Variants in HS6ST2 observed in about 807,000 individuals in gnomAD.
HS6ST2 encodes the protein heparan-sulfate 6-O-sulfotransferase 2.
A neutral mutation model predicts 33.0 loss-of-function variants in HS6ST2; 17 were observed. The observed-to-expected ratio is 0.52, with a 90% CI of 0.35 to 0.77. The LOEUF is 0.77. Ranked by LOEUF, HS6ST2 falls within the 30% of genes least tolerant of loss-of-function variation. The pLI is 0.01. For missense variants in HS6ST2, 519 were observed against 551.7 expected (o/e 0.94, Z 0.59); for synonymous variants, 248 against 237.1 (o/e 1.05, Z -0.42).
chrX:132,702,187 C>T (rs1440771521), intron 3 of HS6ST2, among the ~76,000 whole-genome samples: 3 of 112,444 alleles, frequency 2.7e-5, no homozygotes, highest in Admixed American at 9.4e-5. Context: ...GTACTACTTT[C>T]GAACTAAAGA....
rs771064495 is a variant in HS6ST2 at position 132,809,376 on chromosome X, T to C, written c.948-100882A>G. On this transcript the variant is annotated intron_variant, in intron 2 of 4. Transcript: ENST00000370833. ...ACTGTGAAAAACTATTTACTTATCC[T>C]GCTCAATCAGAATCTCTGAGAATAG... 2.7e-5 allele frequency among the ~76,000 whole-genome samples: 3 copies of C among 112,416 alleles called. No individual in the cohort carries two copies. In the Admixed American group the frequency reaches 2.8e-4, roughly 11 times the overall value.
chrX:132,746,358 CCGGGCGTGGTGG>C (rs1308264552), intron 2 of HS6ST2, among the ~76,000 whole-genome samples: 1 of 110,541 alleles, frequency 9.0e-6, no homozygotes, highest in Admixed American at 9.6e-5. Flanking sequence ...AAAAAATTAG[CCGGGCGTGGTGG>C]CGGGCGCCTG....
intron 2 of HS6ST2, among the ~76,000 whole-genome samples, chrX:132,735,727 G>A (rs891657945): frequency 1.8e-5 from 2 of 112,374 alleles, no homozygotes; most frequent in African/African-American, 6.5e-5. Flanking sequence ...AACTGTTGGA[G>A]CTGGAGACCC....
intron 4 of HS6ST2, among the ~76,000 whole-genome samples, chrX:132,667,278 A>G (rs1012378177): frequency 1.8e-5 from 2 of 111,798 alleles, no homozygotes; most frequent in Admixed American, 1.9e-4. Flanking sequence ...ATTTTTCACT[A>G]ACAACCAATA....
chrX:132,743,511 C>T (rs1417361610), intron 2 of HS6ST2, among the ~76,000 whole-genome samples: 3 of 112,298 alleles, frequency 2.7e-5, no homozygotes, highest in African/African-American at 9.7e-5. Context: ...CAGTAACTAT[C>T]ATATTGATGG....
At chrX:132,715,429 G>GTT (rs1294768234) in intron 2 of HS6ST2, among the ~76,000 whole-genome samples, 2 of 111,617 alleles carry the variant, frequency 1.8e-5, no homozygotes, top group Non-Finnish European at 3.8e-5. Flanking sequence ...GAGTAACACT[G>GTT]TCTCTAAAAC....
chrX:132,812,899 A>T (rs2065362653), intron 2 of HS6ST2, among the ~76,000 whole-genome samples: 1 of 109,741 alleles, frequency 9.1e-6, no homozygotes, highest in East Asian at 2.9e-4. Flanking sequence ...TACCTCTCCA[A>T]TCTTTATCCG....
At chrX:132,756,011 T>C (rs937030534) in intron 2 of HS6ST2, among the ~76,000 whole-genome samples, 1 of 111,496 alleles carries the variant, frequency 9.0e-6, no homozygotes, top group Non-Finnish European at 1.9e-5. Flanking sequence ...AATCTCCCAA[T>C]GGAGCCACGT....
chrX:132,734,989 A>G (rs7883862), intron 2 of HS6ST2: 48,384 of 103,227 alleles, frequency 0.47, 9,902 homozygotes, highest in Middle Eastern at 0.54. Context: ...GGAGATGGGG[A>G]TGGGGGGTGG....
chrX:132,628,124 T>C lies in HS6ST2; in HGVS notation c.*99A>G. 1.6e-6 allele frequency: 1 copy of C among 640,766 alleles called. No individual in the cohort carries two copies. Among genetic ancestry groups the C allele is most frequent in the African/African-American group, 2.3e-5 (1 of 44,280 alleles). The allele number at this position is 640,766 out of a possible 1,213,427, so 52.8% of individuals were successfully genotyped here. On this transcript the variant is annotated 3_prime_UTR_variant, in exon 5 of 5. Coordinates refer to ENST00000370833, the MANE Select transcript of HS6ST2 (RefSeq NM_001394073.1). ...AAACTTTTTTTTAAAACTTCCCCAA[T>C]GAAGGAAGCAGGATGTGTTTGGACA...
chrX:132,765,004 C>T (rs2064832796), intron 2 of HS6ST2, among the ~76,000 whole-genome samples: 1 of 112,085 alleles, frequency 8.9e-6, no homozygotes, highest in African/African-American at 3.2e-5. Flanking sequence ...TTTGAGGCTT[C>T]TCACTTCCAG....
intron 2 of HS6ST2, among the ~76,000 whole-genome samples, chrX:132,810,711 T>A (rs1175048960): frequency 8.9e-6 from 1 of 111,787 alleles, no homozygotes; most frequent in East Asian, 2.8e-4. Context: ...TTCTTCTTGT[T>A]CCCTCATATT....
At chrX:132,764,598 CTT>C (rs1569488280) in intron 2 of HS6ST2, among the ~76,000 whole-genome samples, 1 of 111,452 alleles carries the variant, frequency 9.0e-6, no homozygotes, top group Non-Finnish European at 1.9e-5. Context: ...CAACCAGCCT[CTT>C]GTTTCATGTG....
At chrX:132,821,504 A>G (rs1602715378) in intron 2 of HS6ST2, among the ~76,000 whole-genome samples, 1 of 109,675 alleles carries the variant, frequency 9.1e-6, no homozygotes, top group African/African-American at 3.3e-5. Flanking sequence ...GAGCCACCGC[A>G]CTTGGCCCCC....
Position 132,958,215 on chromosome X carries a change from G to T in HS6ST2, c.388C>A (p.Leu130Ile). ...AAAATCTTGGAGAAGATCGCACCGA[G>T]CACGTGCTTCAGCGAGTGGCCCAGG... ...AALGHSLKHV[L>I]GAIFSKIFGP... The change falls in exon 1 of 5, where the codon CTC becomes ATC. Residue 130 changes from leucine to isoleucine, a missense_variant. Transcript: ENST00000370833. 1 of 1,170,029 alleles carries T rather than the reference G, an allele frequency of 8.5e-7. No homozygotes were observed. The highest frequency in any genetic ancestry group is 1.9e-5 in the South Asian group (1 of 52,986).
At chrX:132,779,717 T>G (rs2065001834) in intron 2 of HS6ST2, among the ~76,000 whole-genome samples, 1 of 109,096 alleles carries the variant, frequency 9.2e-6, no homozygotes, top group South Asian at 3.9e-4. Context: ...AAAATCAGCA[T>G]TTCTTGAACC....
At chrX:132,749,791 G>A (rs1188767470) in intron 2 of HS6ST2, among the ~76,000 whole-genome samples, 2 of 111,344 alleles carry the variant, frequency 1.8e-5, no homozygotes, top group Non-Finnish European at 3.8e-5. Flanking sequence ...CAGCCTGGTG[G>A]GGGGAGTGCT....
chrX:132,829,404 G>GTA (rs1048712928), intron 2 of HS6ST2, among the ~76,000 whole-genome samples: 5 of 108,223 alleles, frequency 4.6e-5, no homozygotes, highest in Admixed American at 1.0e-4. Flanking sequence ...ATGTATGTAT[G>GTA]TATCTATCTG....
At chrX:132,669,330 C>G (rs1266014555) in intron 3 of HS6ST2, 131 bp from the exon 4 acceptor site, 5 of 378,960 alleles carry the variant, frequency 1.3e-5, no homozygotes, top group Non-Finnish European at 2.2e-5. Context: ...GCCAATCTCT[C>G]TCTCTCTCTC....
Sources: gnomAD v4.1 joint callset for allele counts (sites outside exome capture counted in the v4.1 genomes callset) on GRCh38, gnomAD v4.1.1 for gene constraint, MANE v1.5 for transcripts, NCBI Gene and HGNC (gene_info 2026-07-23, HGNC 2026-07-21) for gene names.